The following SFRP1 variants were observed in gnomAD, a reference collection of about 807,000 sequenced individuals.
The protein encoded by SFRP1 is secreted frizzled-related protein 1.
Under a neutral mutation model 25.9 loss-of-function variants are expected in SFRP1, and 9 were observed. The observed-to-expected ratio is 0.35, with a 90% confidence interval of 0.21 to 0.61. The LOEUF (loss-of-function observed/expected upper bound fraction) is 0.61. Among genes scored for constraint, SFRP1 ranks in the 20% least tolerant of loss-of-function variants. The pLI is 0.78. For synonymous variants in SFRP1, 178 were observed against 174.0 expected, an observed-to-expected ratio of 1.02 and a Z score of -0.18; for missense variants, 346 against 418.2, an observed-to-expected ratio of 0.83 and a Z score of 1.51.
intron 2 of SFRP1, chr8:41,270,911 G>A (rs1472152007): frequency 1.3e-5 from 2 of 152,180 alleles, no homozygotes; most frequent in Non-Finnish European, 2.9e-5. Context: ...ACTAGACACA[G>A]AGGAGGACCG....
chr8:41,282,837 T>C (rs2117495273), intron 2 of SFRP1, among the ~76,000 whole-genome samples: 1 of 152,326 alleles, frequency 6.6e-6, no homozygotes, highest in Non-Finnish European at 1.5e-5. Flanking sequence ...TTCTGTACAA[T>C]TTTAAAGTAC....
In SFRP1 at chr8:41,263,448, T is replaced by A. The variant is rs1803397624; in HGVS notation, c.*1719A>T. ...TAGGTAACTAGGCGGGCATGCTGAT[T>A]TTCATACTGGAGTCTTCAAGAGTTA... On this transcript the variant is annotated 3_prime_UTR_variant, in exon 3 of 3. Coordinates refer to ENST00000220772, the MANE Select transcript of SFRP1 (RefSeq NM_003012.5). The A allele has an allele frequency of 6.6e-6, 1 of 152,152 alleles. No individual in the cohort carries two copies. Among genetic ancestry groups the A allele is most frequent in the African/African-American group, 2.4e-5 (1 of 41,436 alleles). The allele number at this position is 152,152 out of a possible 1,614,324, so 9.4% of individuals were successfully genotyped here.
At chr8:41,299,670 A>G (rs1803891308) in intron 2 of SFRP1, among the ~76,000 whole-genome samples, 1 of 149,442 alleles carries the variant, frequency 6.7e-6, no homozygotes, top group Non-Finnish European at 1.5e-5. Context: ...CTCAAAAAAA[A>G]AAAAAAAAAA....
At position 41,286,726 on chromosome 8, in the gene SFRP1, G is replaced by C. The variant is rs186715142; in HGVS notation, c.622+16735C>G. Among the ~76,000 whole-genome samples, 4 of 152,268 alleles carry C rather than the reference G, an allele frequency of 2.6e-5. No homozygotes were observed. The East Asian group carries it at 5.8e-4, about 22-fold the overall frequency. ...GAAGAGGGGGTCCACACACGAGGTCGGGGGCAGCTAGGAACTCATTTCAAG... is the reference window on the plus strand; with the variant it reads ...GAAGAGGGGGTCCACACACGAGGTCCGGGGCAGCTAGGAACTCATTTCAAG... On this transcript the variant is annotated intron_variant, in intron 2 of 2. Coordinates refer to ENST00000220772, the MANE Select transcript of SFRP1 (RefSeq NM_003012.5).
chr8:41,285,937 A>G (rs931217091), intron 2 of SFRP1, among the ~76,000 whole-genome samples: 1 of 150,260 alleles, frequency 6.7e-6, no homozygotes, highest in Non-Finnish European at 1.5e-5. Context: ...ATGGGTCCCC[A>G]GGAACTCTCA....
rs1804034029 is a variant in SFRP1, at chr8:41,308,963, C to A, written c.197G>T (p.Arg66Leu). 1 of 1,613,358 alleles carries A rather than the reference C, an allele frequency of 6.2e-7. No homozygotes were observed. The highest frequency in any genetic ancestry group is 8.5e-7 in the Non-Finnish European group (1 of 1,179,944). The stretch of plus-strand genomic sequence containing the variant: ...CTTGTAGCCCACGTTGTGGCACAGC[C>A]GCAGGTCCGCGGGGATGTCCACGCA... ...PQCVDIPADL[R>L]LCHNVGYKKM... The change falls in exon 1 of 3, where the codon CGG becomes CTG. Residue 66 changes from arginine (R) to leucine (L), a missense_variant. By Grantham distance (102) the Arg-to-Leu change is moderately radical (BLOSUM62 -2). Coordinates refer to ENST00000220772, the MANE Select transcript of SFRP1 (RefSeq NM_003012.5).
At chr8:41,282,218 T>C (rs1803642461) in intron 2 of SFRP1, among the ~76,000 whole-genome samples, 1 of 152,210 alleles carries the variant, frequency 6.6e-6, no homozygotes, top group South Asian at 2.1e-4. Context: ...TTTTGTAATG[T>C]TAGAAATTAG....
chr8:41,306,848 C>T lies in SFRP1; in HGVS notation c.544+1768G>A, dbSNP rs772834385. On this transcript the variant is annotated intron_variant, in intron 1 of 2. Coordinates refer to ENST00000220772, the MANE Select transcript of SFRP1 (RefSeq NM_003012.5). Reference sequence around the variant, plus strand: ...CGGAAGACAGCGATTATGGGGTTTCCCCATCCCATCACAGCCTTTTGGGGG... The same window carrying T: ...CGGAAGACAGCGATTATGGGGTTTCTCCATCCCATCACAGCCTTTTGGGGG... The T allele has an allele frequency of 8.0e-5, 128 of 1,597,650 alleles. No individual in the cohort carries two copies. The Admixed American group carries it at 1.0e-3, about 13-fold the overall frequency.
intron 2 of SFRP1, among the ~76,000 whole-genome samples, chr8:41,302,308 C>T (rs1295217502): frequency 6.6e-6 from 1 of 152,202 alleles, no homozygotes; most frequent in Non-Finnish European, 1.5e-5. Context: ...AATTGCAATA[C>T]CCTGAGAATG....
intron 2 of SFRP1, among the ~76,000 whole-genome samples, chr8:41,274,136 A>G (rs1803544264): frequency 6.6e-6 from 1 of 152,210 alleles, no homozygotes; most frequent in Non-Finnish European, 1.5e-5. Flanking sequence ...TCCAGCTTGC[A>G]GACAGCCTAT....
At chr8:41,303,644 G>C (rs1158611087) in intron 1 of SFRP1, 106 bp from the exon 2 acceptor site, 9 of 829,054 alleles carry the variant, frequency 1.1e-5, no homozygotes, top group Middle Eastern at 2.2e-4. Context: ...GTGGCTAAAG[G>C]TCTTCTGGAA....
chr8:41,287,699 T>C (rs981347549), intron 2 of SFRP1, among the ~76,000 whole-genome samples: 8 of 152,248 alleles, frequency 5.3e-5, no homozygotes, highest in Non-Finnish European at 1.0e-4. Context: ...TGAAGTTCTT[T>C]TTAAGCTTCT....
At chr8:41,298,598 G>T (rs1479535633) in intron 2 of SFRP1, among the ~76,000 whole-genome samples, 2 of 151,988 alleles carry the variant, frequency 1.3e-5, no homozygotes, top group Admixed American at 6.6e-5. Context: ...TGGGGATGGG[G>T]TTTCACTATG....
intron 1 of SFRP1, among the ~76,000 whole-genome samples, chr8:41,305,773 TACA>T (rs1426842326): frequency 6.6e-6 from 1 of 152,240 alleles, no homozygotes. Context: ...ATTTTTGTGA[TACA>T]TCAATCCACA....
rs1804028726 is a variant in SFRP1, at chr8:41,308,626, G to A, written c.534C>T (p.Ser178=). 6.3e-7 allele frequency: 1 copy of A among 1,598,474 alleles called. No homozygotes were observed. The highest frequency in any genetic ancestry group is 2.3e-5 in the East Asian group (1 of 44,432). The change falls in exon 1 of 3, where the codon TCC becomes TCT. Residue 178 remains serine (S), a synonymous_variant. Transcript: ENST00000220772. The part of the protein sequence containing the change: ...AMTPPNATEA[S]KPQGTTVCPP... ...AGGAGGCAGCCTTACCTTGGGGCTTGGAGGCTTCGGTGGCATTGGGCGGCG... is the reference window on the plus strand; with the variant it reads ...AGGAGGCAGCCTTACCTTGGGGCTTAGAGGCTTCGGTGGCATTGGGCGGCG...
At chr8:41,307,342 T>C (rs1804010756) in intron 1 of SFRP1, among the ~76,000 whole-genome samples, 1 of 152,188 alleles carries the variant, frequency 6.6e-6, no homozygotes, top group South Asian at 2.1e-4. Context: ...TGGACCCATC[T>C]CCACCCTCCC....
chr8:41,309,209 T>G lies in SFRP1; in HGVS notation c.-50A>C. On this transcript the variant is annotated 5_prime_UTR_variant, in exon 1 of 3. Transcript: ENST00000220772. Reference sequence around the variant, plus strand: ...CGACGTCGGGGCTGCCTCCGCCGCCTCCCCGCGCGCGTCCTGCCGCAAACT... The same window carrying G: ...CGACGTCGGGGCTGCCTCCGCCGCCGCCCCGCGCGCGTCCTGCCGCAAACT... The G allele has an allele frequency of 7.9e-7, 1 of 1,266,076 alleles. No individual in the cohort carries two copies. Among genetic ancestry groups the G allele is most frequent in the Non-Finnish European group, 9.9e-7 (1 of 1,012,414 alleles). 78.4% of individuals were successfully genotyped at this position (1,266,076 alleles called of 1,614,324 possible). A position where few individuals can be genotyped will look rare whatever the true frequency, so the allele number is the denominator to read the frequency against.
Position 41,303,382 on chromosome 8 carries a change from T to C in SFRP1, c.622+79A>G. 3.9e-6 allele frequency: 4 copies of C among 1,030,874 alleles called. No homozygotes were observed. The South Asian group carries it at 5.2e-5, about 13-fold the overall frequency. The allele number at this position is 1,030,874 out of a possible 1,614,324, so 63.9% of individuals were successfully genotyped here. A position where few individuals can be genotyped will look rare whatever the true frequency, so the allele number is the denominator to read the frequency against. On this transcript the variant is annotated intron_variant, in intron 2 of 2. Coordinates refer to ENST00000220772, the MANE Select transcript of SFRP1 (RefSeq NM_003012.5). ...ATATGGAAAGCTGCAACGAGATACA[T>C]CAGCAGGGCCTCCGTCTGGCAGAGG...
chr8:41,293,718 G>A (rs2117508535), intron 2 of SFRP1, among the ~76,000 whole-genome samples: 1 of 152,166 alleles, frequency 6.6e-6, no homozygotes, highest in Admixed American at 6.5e-5. Context: ...GCATGGCAAA[G>A]GCCTGTCTCG....
Sources: gnomAD v4.1 joint callset for allele counts (sites outside exome capture counted in the v4.1 genomes callset) on GRCh38, gnomAD v4.1.1 for gene constraint, MANE v1.5 for transcripts, NCBI Gene and HGNC (gene_info 2026-07-23, HGNC 2026-07-21) for gene names.